Variants in C5orf46 observed in about 807,000 individuals in gnomAD.
C5orf46 encodes uncharacterized protein C5orf46.
C5orf46 carries 9 observed loss-of-function variants against 8.9 expected under a neutral mutation model. The observed-to-expected ratio is 1.01, with a 90% CI of 0.61 to 1.76. The LOEUF (loss-of-function observed/expected upper bound fraction) is 1.76. C5orf46 is among the 40% of genes most tolerant of loss of function. The probability of loss-of-function intolerance (pLI) is 0.00; values close to 1 mark genes in which losing one functional copy is unlikely to be tolerated. For missense variants in C5orf46, 98 were observed against 107.8 expected (o/e 0.91, Z 0.40); for synonymous variants, 47 against 41.4 (o/e 1.14, Z -0.52).
At chr5:147,889,402 T>G (rs1011015180), downstream of C5orf46, among the ~76,000 whole-genome samples, 3 of 152,202 alleles carry the variant, frequency 2.0e-5, no homozygotes, top group Non-Finnish European at 4.4e-5. Context: ...TGTGGGAGAT[T>G]GTTAACTTTT....
Position 147,898,817 on chromosome 5 carries a change from A to G in C5orf46, c.216-1776T>C, listed in dbSNP as rs554718238. Among the ~76,000 whole-genome samples the G allele has an allele frequency of 1.1e-4, 16 of 152,278 alleles. 1 individual carries two copies. The highest frequency in any genetic ancestry group is 3.9e-4 in the Admixed American group (6 of 15,290). On this transcript the variant is annotated intron_variant, in intron 2 of 3. Coordinates refer to ENST00000318315, the MANE Select transcript of C5orf46 (RefSeq NM_206966.3). ...AGGGTGAGAGGAGTTAAGAATATGT[A>G]TATTTTTCAGAAAAATGATGAGCAA...
intron 1 of C5orf46, among the ~76,000 whole-genome samples, chr5:147,905,474 C>T (rs762800656): frequency 2.0e-5 from 3 of 152,096 alleles, no homozygotes; most frequent in South Asian, 2.1e-4. Context: ...GAATAATATC[C>T]GTGGCCATGT....
rs1192443547 is a variant in C5orf46 at position 147,906,515 on chromosome 5, G to C, written c.-14C>G. Reference sequence around the variant, plus strand: ...TGAGACAGCCATTCTGGTAGCACGGGGTATTCGTGCAGATAAATTGTTCAG... The same window carrying C: ...TGAGACAGCCATTCTGGTAGCACGGCGTATTCGTGCAGATAAATTGTTCAG... On this transcript the variant is annotated 5_prime_UTR_variant, in exon 1 of 4. Coordinates refer to ENST00000318315, the MANE Select transcript of C5orf46 (RefSeq NM_206966.3). 6.3e-7 allele frequency: 1 copy of C among 1,596,438 alleles called. No individual in the cohort carries two copies. The highest frequency in any genetic ancestry group is 8.6e-7 in the Non-Finnish European group (1 of 1,164,916).
chr5:147,893,074 T>C (rs906329832), intron 3 of C5orf46, 135 bp from the exon 4 acceptor site: 4 of 152,126 alleles, frequency 2.6e-5, no homozygotes, highest in African/African-American at 9.7e-5. Flanking sequence ...AGAGGTTTCA[T>C]AATAAAATCA....
rs114054654 is a variant in C5orf46, at chr5:147,893,990, C to T, written c.*10-1051G>A. Among the ~76,000 whole-genome samples, 546 of 151,702 alleles carry T rather than the reference C, an allele frequency of 3.6e-3. 3 individuals carry two copies. The highest frequency in any genetic ancestry group is 0.013 in the African/African-American group (521 of 41,258). ...ACGTAATCAAGTGACATTGTGGCCA[C>T]GGGCAATTTTGCTTATCAGGTGCAC... On this transcript the variant is annotated intron_variant, in intron 3 of 3. Transcript: ENST00000318315.
rs887894019 is a variant in C5orf46, at chr5:147,906,224, A to G, written c.70+208T>C. Among the ~76,000 whole-genome samples, 12 of 152,228 alleles carry G rather than the reference A, an allele frequency of 7.9e-5. No homozygotes were observed. In the East Asian group the frequency reaches 1.2e-3, roughly 15 times the overall value. ...AGCACATAAAAAAATTTCAAACTTC[A>G]TACATCCACTGAAAATAGAGGCTAG... On this transcript the variant is annotated intron_variant, in intron 1 of 3. Coordinates refer to ENST00000318315, the MANE Select transcript of C5orf46 (RefSeq NM_206966.3).
intron 2 of C5orf46, chr5:147,887,466 T>A (rs998529337): frequency 6.6e-6 from 1 of 152,196 alleles, no homozygotes; most frequent in Non-Finnish European, 1.5e-5. Context: ...ACTTGTTTTC[T>A]GATACTGACA....
At chr5:147,902,520 C>T (rs748789893) in intron 1 of C5orf46, among the ~76,000 whole-genome samples, 9 of 152,086 alleles carry the variant, frequency 5.9e-5, no homozygotes, top group East Asian at 1.9e-4. Flanking sequence ...ATGCCTATGA[C>T]GATCTACATG....
At chr5:147,891,889 T>C (rs1757507611), downstream of C5orf46, among the ~76,000 whole-genome samples, 1 of 152,200 alleles carries the variant, frequency 6.6e-6, no homozygotes, top group South Asian at 2.1e-4. Context: ...TATCTACCTG[T>C]ATTATTAAAA....
At chr5:147,902,385 G>T (rs1035095065) in intron 1 of C5orf46, among the ~76,000 whole-genome samples, 1 of 152,054 alleles carries the variant, frequency 6.6e-6, no homozygotes, top group Admixed American at 6.6e-5. Flanking sequence ...CAGAAGATAG[G>T]GGCTGTAGTG....
intron 1 of C5orf46, among the ~76,000 whole-genome samples, chr5:147,905,417 T>C (rs1757736047): frequency 6.6e-6 from 1 of 152,222 alleles, no homozygotes; most frequent in Non-Finnish European, 1.5e-5. Context: ...GTATCAAATC[T>C]CTCCTTTCAC....
At chr5:147,901,326 T>G (rs939586771) in intron 2 of C5orf46, 1 of 201,606 alleles carries the variant, frequency 5.0e-6, no homozygotes. Context: ...GATCAGAACT[T>G]GGCTTTTTGT....
At chr5:147,901,264 A>C (rs1204769608) in intron 2 of C5orf46, 2 of 162,384 alleles carry the variant, frequency 1.2e-5, no homozygotes, top group Non-Finnish European at 2.7e-5. Context: ...AGAGGCCTTC[A>C]GAGTGGGAGG....
In C5orf46 at chr5:147,901,645, A is replaced by T; in HGVS notation, c.199T>A (p.Ser67Thr). Residue 67 changes from serine to threonine, a missense_variant, in exon 2 of 4, where the codon TCC becomes ACC. Physicochemically the swap from Ser to Thr is moderately conservative, Grantham distance 58. Transcript: ENST00000318315. ...IENAVEFILRSMSRSTGFMEF... is the reference protein window; with the variant it reads ...IENAVEFILRTMSRSTGFMEF... ...AGTGCTTACGTGCTCCTGGACATGG[A>T]GCGGAGGATGAACTCGACTGCATTC... is the stretch of plus-strand genomic sequence containing the variant. 2 of 1,613,950 alleles carry T rather than the reference A, an allele frequency of 1.2e-6. No individual in the cohort carries two copies. Among genetic ancestry groups the T allele is most frequent in the Non-Finnish European group, 1.7e-6 (2 of 1,179,918 alleles).
rs137923058 is a variant in C5orf46 at position 147,901,661 on chromosome 5, G to C, written c.183C>G (p.Val61=). The C allele has an allele frequency of 1.2e-6, 2 of 1,614,010 alleles. No individual in the cohort carries two copies. Among genetic ancestry groups the C allele is most frequent in the South Asian group, 1.1e-5 (1 of 91,052 alleles). Residue 61 remains valine (V), a synonymous_variant, in exon 2 of 4, where the codon GTC becomes GTG. Coordinates refer to ENST00000318315, the MANE Select transcript of C5orf46 (RefSeq NM_206966.3). ...TGGACATGGAGCGGAGGATGAACTC[G>C]ACTGCATTCTCAATGATCTCTGTGC... The part of the protein sequence containing the change: ...LLGTEIIENA[V]EFILRSMSRS...
chr5:147,889,339 A>C (rs1757469292), downstream of C5orf46, among the ~76,000 whole-genome samples: 1 of 152,190 alleles, frequency 6.6e-6, no homozygotes, highest in South Asian at 2.1e-4. Context: ...AGTCAGGGAC[A>C]ACAGCAACAA....
chr5:147,891,278 A>G (rs985412838), downstream of C5orf46, among the ~76,000 whole-genome samples: 3 of 152,186 alleles, frequency 2.0e-5, no homozygotes, highest in Non-Finnish European at 2.9e-5. Context: ...TCCCAAAAGA[A>G]AAATTCTATG....
At chr5:147,889,420 T>G (rs1359268957), downstream of C5orf46, among the ~76,000 whole-genome samples, 1 of 152,192 alleles carries the variant, frequency 6.6e-6, no homozygotes, top group East Asian at 1.9e-4. Context: ...TTTAGAAGTA[T>G]ATACACATTT....
chr5:147,898,759 G>A (rs535965789), intron 2 of C5orf46, among the ~76,000 whole-genome samples: 5 of 152,152 alleles, frequency 3.3e-5, no homozygotes, highest in Admixed American at 6.5e-5. Context: ...GAACCCAGAG[G>A]GGAAAATATT....
Sources: gnomAD v4.1 joint callset for allele counts (sites outside exome capture counted in the v4.1 genomes callset) on GRCh38, gnomAD v4.1.1 for gene constraint, MANE v1.5 for transcripts, NCBI Gene and HGNC (gene_info 2026-07-23, HGNC 2026-07-21) for gene names.